GNG12: variants seen among roughly 807,000 people sequenced by gnomAD.
GNG12 encodes the protein G protein subunit gamma 12, also known as guanine nucleotide-binding protein G(I)/G(S)/G(O) subunit gamma-12.
For missense variants in GNG12, 69 were observed against 83.8 expected (o/e 0.82, Z 0.69); for synonymous variants, 28 against 29.7 (o/e 0.94, Z 0.19).
At chr1:67,729,722 G>A (rs1301741507) in intron 2 of GNG12, among the ~76,000 whole-genome samples, 1 of 152,198 alleles carries the variant, frequency 6.6e-6, no homozygotes, top group African/African-American at 2.4e-5. Context: ...GTGTGGGAAA[G>A]GGGTGCTCAG....
At chr1:67,705,705 C>A in intron 3 of GNG12, 129 bp from the exon 4 acceptor site, 1 of 1,381,326 alleles carries the variant, frequency 7.2e-7, no homozygotes. Context: ...CTCAAAGCAT[C>A]ACTCTCAGAT....
At chr1:67,797,349 C>T (rs946132580) in intron 1 of GNG12, among the ~76,000 whole-genome samples, 2 of 152,126 alleles carry the variant, frequency 1.3e-5, no homozygotes, top group African/African-American at 2.4e-5. Context: ...GGCAGAGACC[C>T]CCTGCCCTTT....
At chr1:67,819,481 A>G (rs925823462) in intron 1 of GNG12, among the ~76,000 whole-genome samples, 3 of 152,110 alleles carry the variant, frequency 2.0e-5, no homozygotes, top group Non-Finnish European at 4.4e-5. Context: ...TCCCCTTTGC[A>G]CTGGTTACAC....
At position 67,769,768 on chromosome 1, in the gene GNG12, A is replaced by G. The variant is rs77395142; in HGVS notation, c.-27+7690T>C. Among the ~76,000 whole-genome samples, 267 of 152,144 alleles carry G rather than the reference A, an allele frequency of 1.8e-3. 2 individuals carry two copies. Among genetic ancestry groups the G allele is most frequent in the East Asian group, 8.5e-3 (44 of 5,154 alleles). ...GGAAAGAATTCCAATTTTCCCAAAC[A>G]TTTCCCATTTTTCCAATGTCCAATT... On this transcript the variant is annotated intron_variant, in intron 2 of 3. Coordinates refer to ENST00000370982, the MANE Select transcript of GNG12 (RefSeq NM_018841.6).
At chr1:67,768,384 C>A (rs1646653856) in intron 2 of GNG12, among the ~76,000 whole-genome samples, 1 of 152,060 alleles carries the variant, frequency 6.6e-6, no homozygotes, top group African/African-American at 2.4e-5. Flanking sequence ...CTATAAAGAA[C>A]TAGTGAGTTT....
intron 2 of GNG12, among the ~76,000 whole-genome samples, chr1:67,725,354 T>C (rs1471170924): frequency 6.6e-6 from 1 of 152,206 alleles, no homozygotes; most frequent in Non-Finnish European, 1.5e-5. Flanking sequence ...CACCACCTTT[T>C]AAACATGTCT....
chr1:67,791,285 A>G (rs1646800861), intron 1 of GNG12, among the ~76,000 whole-genome samples: 1 of 152,140 alleles, frequency 6.6e-6, no homozygotes, highest in South Asian at 2.1e-4. Context: ...TAGGTGTCTT[A>G]GCAAACTGTG....
chr1:67,799,817 A>G (rs1646853769), intron 1 of GNG12, among the ~76,000 whole-genome samples: 1 of 152,198 alleles, frequency 6.6e-6, no homozygotes, highest in Non-Finnish European at 1.5e-5. Flanking sequence ...TTTAGTGAAA[A>G]TTGTTTTACA....
intron 2 of GNG12, among the ~76,000 whole-genome samples, chr1:67,710,217 G>C (rs1646286773): frequency 1.1e-5 from 1 of 93,282 alleles, no homozygotes; most frequent in Non-Finnish European, 2.0e-5. Context: ...TATATATATA[G>C]TTATATATAT....
chr1:67,771,276 G>A (rs1646672924), intron 2 of GNG12, among the ~76,000 whole-genome samples: 1 of 152,210 alleles, frequency 6.6e-6, no homozygotes, highest in Admixed American at 6.5e-5. Context: ...CAGGCACTGG[G>A]CCATGGACTT....
intron 1 of GNG12, among the ~76,000 whole-genome samples, chr1:67,802,577 T>A (rs959273383): frequency 2.6e-5 from 4 of 152,172 alleles, no homozygotes; most frequent in African/African-American, 9.7e-5. Flanking sequence ...ATTAAGATTA[T>A]GGGAAAACAA....
chr1:67,753,747 T>C (rs917040313), intron 2 of GNG12, among the ~76,000 whole-genome samples: 6 of 152,172 alleles, frequency 3.9e-5, no homozygotes, highest in African/African-American at 9.7e-5. Context: ...ATAAAGATCT[T>C]TGAAGGGGTC....
intron 1 of GNG12, among the ~76,000 whole-genome samples, chr1:67,811,885 C>A (rs1646928372): frequency 6.6e-6 from 1 of 152,130 alleles, no homozygotes; most frequent in Non-Finnish European, 1.5e-5. Flanking sequence ...AGGAGACAAT[C>A]ATGGGAGGGT....
intron 1 of GNG12, among the ~76,000 whole-genome samples, chr1:67,801,965 A>T (rs1370803803): frequency 6.6e-6 from 1 of 151,886 alleles, no homozygotes; most frequent in Non-Finnish European, 1.5e-5. Flanking sequence ...GGGGGTGAGG[A>T]AGAAAAAGGA....
At chr1:67,748,762 G>C (rs1350452360) in intron 2 of GNG12, among the ~76,000 whole-genome samples, 1 of 152,198 alleles carries the variant, frequency 6.6e-6, no homozygotes, top group African/African-American at 2.4e-5. Flanking sequence ...TGTGAGATCT[G>C]AAAAGTCTGC....
chr1:67,721,983 G>A (rs1025546192), intron 2 of GNG12, among the ~76,000 whole-genome samples: 10 of 152,070 alleles, frequency 6.6e-5, no homozygotes, highest in African/African-American at 2.4e-4. Context: ...GGCTGACAAA[G>A]CAGAAGAACA....
intron 1 of GNG12, among the ~76,000 whole-genome samples, chr1:67,795,935 C>T (rs1304278226): frequency 6.6e-6 from 1 of 152,188 alleles, no homozygotes; most frequent in African/African-American, 2.4e-5. Context: ...GAATGTGAAG[C>T]TGAACTCACA....
chr1:67,770,628 G>A (rs181840309), intron 2 of GNG12, among the ~76,000 whole-genome samples: 3 of 152,134 alleles, frequency 2.0e-5, no homozygotes, highest in Admixed American at 6.5e-5. Flanking sequence ...GCAGCAGGAG[G>A]AGAGAACCAC....
intron 3 of GNG12, 82 bp from the exon 4 acceptor site, chr1:67,705,658 T>G (rs1646243086): frequency 6.7e-7 from 1 of 1,491,948 alleles, no homozygotes; most frequent in Non-Finnish European, 8.9e-7. Context: ...TGCTAGGCTA[T>G]TGAATGGAAG....
Sources: allele counts gnomAD v4.1 joint callset (sites outside exome capture counted in the v4.1 genomes callset), GRCh38; gene constraint gnomAD v4.1.1; transcripts MANE v1.5; gene names NCBI Gene and HGNC (gene_info 2026-07-23, HGNC 2026-07-21).